Variants in SFI1 observed in about 807,000 individuals in gnomAD.
SFI1 encodes the protein protein SFI1 homolog.
A neutral mutation model predicts 207.5 loss-of-function variants in SFI1; 195 were observed. That is an observed-to-expected ratio of 0.94 (90% confidence interval 0.84 to 1.06). The LOEUF is 1.06. Ranked by LOEUF, SFI1 falls within the 50% of genes least tolerant of loss-of-function variation. The probability of loss-of-function intolerance (pLI) is 0.00; values close to 1 mark genes in which losing one functional copy is unlikely to be tolerated. For missense variants in SFI1, 1,634 were observed against 1,588.0 expected (o/e 1.03, Z -0.49); for synonymous variants, 630 against 598.9 (o/e 1.05, Z -0.76).
At position 31,618,225 on chromosome 22, in the gene SFI1, A is replaced by C. The variant is rs113763150; in HGVS notation, c.3623A>C (p.Gln1208Pro). 1.2e-5 allele frequency: 19 copies of C among 1,595,982 alleles called. 1 individual carries two copies. In the African/African-American group the frequency reaches 1.2e-4, roughly 10 times the overall value. The stretch of plus-strand genomic sequence containing the variant: ...CAGCAGGTGCAGAAAGAGCTGGAAC[A>C]GGTGAGGCCCCAGGCCATCCCCAGG... ...VEQQVQKELEQVEMQIQLLAE... is the reference protein window; with the variant it reads ...VEQQVQKELEPVEMQIQLLAE... Residue 1208 changes from glutamine to proline, a missense_variant and splice_region_variant, in exon 32 of 33, where the codon CAG (glutamine) becomes CCG (proline). Gln to Pro is a moderately conservative substitution (Grantham distance 76). Transcript: ENST00000400288.
intron 2 of SFI1, among the ~76,000 whole-genome samples, chr22:31,514,585 T>G (rs1288830987): frequency 6.6e-6 from 1 of 151,888 alleles, no homozygotes; most frequent in Non-Finnish European, 1.5e-5. Context: ...ATTACCATCT[T>G]CCCAATTCTC....
At chr22:31,509,911 ATATTTATT>A (rs560529392) in intron 2 of SFI1, among the ~76,000 whole-genome samples, 4 of 151,384 alleles carry the variant, frequency 2.6e-5, no homozygotes, top group African/African-American at 7.3e-5. Flanking sequence ...CATTGTTTTG[ATATTTATT>A]TATTTATTTA....
chr22:31,497,876 AC>A (rs1431919180), intron 1 of SFI1, among the ~76,000 whole-genome samples: 1 of 152,252 alleles, frequency 6.6e-6, no homozygotes, highest in Admixed American at 6.5e-5. Flanking sequence ...GCACCTGGTC[AC>A]CAAGGAACTC....
At chr22:31,576,199 AT>A (rs1204009971) in intron 10 of SFI1, among the ~76,000 whole-genome samples, 2 of 150,414 alleles carry the variant, frequency 1.3e-5, no homozygotes, top group Non-Finnish European at 3.0e-5. Flanking sequence ...TAATTTTTGT[AT>A]TTTTAGTAGA....
chr22:31,617,964 CAG>C (rs1256551547), intron 31 of SFI1, 149 bp from the exon 32 acceptor site: 4 of 794,590 alleles, frequency 5.0e-6, no homozygotes, highest in African/African-American at 1.8e-5. Flanking sequence ...GGCTCCCAAG[CAG>C]GGGCCTGCAG....
intron 4 of SFI1, among the ~76,000 whole-genome samples, chr22:31,534,387 C>A (rs1779189698): frequency 6.6e-6 from 1 of 151,902 alleles, no homozygotes; most frequent in African/African-American, 2.4e-5. Context: ...TCTTTTTTTG[C>A]CCTAACATTA....
At chr22:31,496,163 G>C (rs907546378), upstream of SFI1, 1 of 152,266 alleles carries the variant, frequency 6.6e-6, no homozygotes, top group Non-Finnish European at 1.5e-5. Flanking sequence ...GAGGACTTTC[G>C]TACGCAGCCG....
In SFI1 at chr22:31,578,467, T is replaced by A. The variant is rs763292925; in HGVS notation, c.1155+15T>A. The stretch of plus-strand genomic sequence containing the variant: ...ACAGCCAGCTGGTAAGAGCCCTGCA[T>A]CCTGGCACGGGTCCGCTTGGCAGCC... On this transcript the variant is annotated intron_variant, in intron 11 of 32. Transcript: ENST00000400288. The A allele has an allele frequency of 6.2e-7, 1 of 1,611,766 alleles. No individual in the cohort carries two copies. The highest frequency in any genetic ancestry group is 8.5e-7 in the Non-Finnish European group (1 of 1,178,670).
intron 15 of SFI1, among the ~76,000 whole-genome samples, chr22:31,593,288 C>A (rs1332327438): frequency 7.4e-6 from 1 of 134,382 alleles, no homozygotes; most frequent in African/African-American, 2.8e-5. Context: ...ACGGGGCGGC[C>A]GGGCAGAGAC....
intron 4 of SFI1, among the ~76,000 whole-genome samples, chr22:31,537,069 G>A (rs1313108739): frequency 6.6e-6 from 1 of 152,010 alleles, no homozygotes; most frequent in East Asian, 1.9e-4. Flanking sequence ...AAGCCACCTG[G>A]AGATTGGCAG....
chr22:31,608,081 C>T (rs773680185), intron 22 of SFI1, 48 bp downstream of exon 22: 34 of 1,483,424 alleles, frequency 2.3e-5, no homozygotes, highest in Admixed American at 5.0e-5. Context: ...GTGAAGACAG[C>T]GCTGTTGTGG....
intron 3 of SFI1, among the ~76,000 whole-genome samples, chr22:31,529,579 T>C (rs1047199783): frequency 6.6e-6 from 1 of 152,200 alleles, no homozygotes; most frequent in Non-Finnish European, 1.5e-5. Flanking sequence ...TTACGCTAGA[T>C]GCTGAGCATA....
chr22:31,615,445 C>T, intron 29 of SFI1, 166 bp downstream of exon 29: 1 of 548,568 alleles, frequency 1.8e-6, no homozygotes, highest in Admixed American at 3.7e-5. Context: ...GTCCAAGGGC[C>T]ACAGCAGTGA....
intron 4 of SFI1, among the ~76,000 whole-genome samples, chr22:31,543,146 A>G (rs751453605): frequency 6.7e-6 from 1 of 150,152 alleles, no homozygotes; most frequent in Non-Finnish European, 1.5e-5. Flanking sequence ...AATTTTTTGC[A>G]TTTTTAATAG....
At chr22:31,546,728 A>C in intron 4 of SFI1, 133 bp from the exon 5 acceptor site, 1 of 407,022 alleles carries the variant, frequency 2.5e-6, no homozygotes, top group South Asian at 4.4e-5. Context: ...CAGCCTCCCA[A>C]AGTGCTGGGA....
rs1326943653 is a variant in SFI1, at chr22:31,593,855, C to G, written c.1544+4278C>G. Among the ~76,000 whole-genome samples the G allele has an allele frequency of 6.1e-5, 9 of 148,164 alleles. No homozygotes were observed. In the East Asian group the frequency reaches 1.2e-3, roughly 20 times the overall value. On this transcript the variant is annotated intron_variant, in intron 15 of 32. Coordinates refer to ENST00000400288, the MANE Select transcript of SFI1 (RefSeq NM_001007467.3). ...CCAAAACCAGTCAGGCGTGGCGGCGCGTGCCTGCAATCGCAGGCATTCGGC... is the reference window on the plus strand; with the variant it reads ...CCAAAACCAGTCAGGCGTGGCGGCGGGTGCCTGCAATCGCAGGCATTCGGC...
intron 6 of SFI1, among the ~76,000 whole-genome samples, chr22:31,554,981 T>C (rs1001355010): frequency 6.6e-6 from 1 of 152,208 alleles, no homozygotes; most frequent in African/African-American, 2.4e-5. Flanking sequence ...CCAATATCTT[T>C]CTGTTAAGGA....
chr22:31,615,145 CCA>C lies in SFI1; in HGVS notation c.3171_3172del (p.His1057GlnfsTer52), dbSNP rs745513132. The C allele has an allele frequency of 1.3e-5, 21 of 1,607,046 alleles. No homozygotes were observed. The African/African-American group carries it at 2.4e-4, about 18-fold the overall frequency. ...FLAEAPTALV[P>X]HSPLPGALSS... ...GGCAGAGGCCCCGACAGCACTGGTC[CCA>C]CACAGCCCCCTGCCTGGGGCCCTGT... On this transcript the variant is annotated frameshift_variant, in exon 29 of 33. Coordinates refer to ENST00000400288, the MANE Select transcript of SFI1 (RefSeq NM_001007467.3). LOFTEE classifies it high-confidence loss of function.
At chr22:31,506,723 G>A (rs1009587294) in intron 1 of SFI1, among the ~76,000 whole-genome samples, 1 of 152,032 alleles carries the variant, frequency 6.6e-6, no homozygotes, top group African/African-American at 2.4e-5. Flanking sequence ...CAACAGGCAA[G>A]CAGAGAACCA....
Sources: allele counts gnomAD v4.1 joint callset (sites outside exome capture counted in the v4.1 genomes callset), GRCh38; gene constraint gnomAD v4.1.1; transcripts MANE v1.5; gene names NCBI Gene and HGNC (gene_info 2026-07-23, HGNC 2026-07-21).